THSD7B: variants seen among roughly 807,000 people sequenced by gnomAD.
THSD7B encodes the protein thrombospondin type-1 domain-containing protein 7B.
In THSD7B, 138 loss-of-function variants were observed where a neutral mutation model predicts 213.6. The ratio of observed to expected loss-of-function variants is 0.65; its 90% CI spans 0.56 to 0.74. The LOEUF (loss-of-function observed/expected upper bound fraction) is 0.74. Among genes scored for constraint, THSD7B ranks in the 30% least tolerant of loss-of-function variants. THSD7B has a pLI of 0.00. For synonymous variants in THSD7B, 742 were observed against 687.0 expected, an observed-to-expected ratio of 1.08 and a Z score of -1.25; for missense variants, 1,931 against 1,991.5, an observed-to-expected ratio of 0.97 and a Z score of 0.58.
rs368550298 is a variant in THSD7B at position 137,004,559 on chromosome 2, T to G, written c.140-51861T>G. ...CCACTGGAAAAACTGCTTATCTGAC[T>G]CAGGTAATTAGTCTTTCAAGAAAAT... On this transcript the variant is annotated intron_variant, in intron 2 of 27. Transcript: ENST00000409968. 5.9e-5 allele frequency among the ~76,000 whole-genome samples: 9 copies of G among 152,270 alleles called. No individual in the cohort carries two copies. The East Asian group carries it at 1.7e-3, about 29-fold the overall frequency.
At chr2:137,512,061 C>T (rs1679972888) in intron 15 of THSD7B, 1 of 152,084 alleles carries the variant, frequency 6.6e-6, no homozygotes, top group African/African-American at 2.4e-5. Context: ...TGTTACCTGC[C>T]TTTTATCTTC....
Position 137,677,164 on chromosome 2 carries a change from T to TTAAA in THSD7B, c.*562_*565dup, listed in dbSNP as rs1221573136. 6.5e-6 allele frequency: 1 copy of TTAAA among 152,686 alleles called. No individual in the cohort carries two copies. The allele number at this position is 152,686 out of a possible 1,614,324, so 9.5% of individuals were successfully genotyped here. ...CAGAAATTCTCTGAGTTTTTAACCT[T>TTAAA]TAAATATTGTATTTTGTTTTGTAGC... On this transcript the variant is annotated 3_prime_UTR_variant, in exon 28 of 28. Transcript: ENST00000409968.
At chr2:137,437,724 T>C (rs113822374) in intron 14 of THSD7B, among the ~76,000 whole-genome samples, 2,576 of 152,262 alleles carry the variant, frequency 0.017, 68 homozygotes, top group African/African-American at 0.059. Context: ...TTTAAGGTCT[T>C]ATGATTTCAT....
chr2:137,483,019 A>G (rs1374257681), intron 15 of THSD7B, among the ~76,000 whole-genome samples: 1 of 152,088 alleles, frequency 6.6e-6, no homozygotes, highest in Non-Finnish European at 1.5e-5. Flanking sequence ...AGAAGTCATG[A>G]CCAAAAGTCG....
intron 1 of THSD7B, among the ~76,000 whole-genome samples, chr2:136,841,572 G>A (rs954260746): frequency 1.5e-5 from 2 of 135,550 alleles, no homozygotes; most frequent in Non-Finnish European, 3.1e-5. Flanking sequence ...ACTCCAGCCT[G>A]GTGACAGAGC....
chr2:136,827,188 A>G (rs990654732), intron 1 of THSD7B, among the ~76,000 whole-genome samples: 3 of 152,162 alleles, frequency 2.0e-5, no homozygotes, highest in Non-Finnish European at 4.4e-5. Flanking sequence ...CTCTTGCAGG[A>G]TTTCTGACCC....
chr2:137,649,636 A>T (rs1273722227), intron 21 of THSD7B, among the ~76,000 whole-genome samples: 6 of 152,198 alleles, frequency 3.9e-5, no homozygotes, highest in Non-Finnish European at 8.8e-5. Flanking sequence ...TTTATCATGC[A>T]TATAAGTCTG....
chr2:137,037,033 A>G (rs868682037), intron 2 of THSD7B, among the ~76,000 whole-genome samples: 15 of 152,144 alleles, frequency 9.9e-5, no homozygotes, highest in Non-Finnish European at 1.9e-4. Context: ...TTTCTGACTC[A>G]GTGTTCCTAA....
At chr2:137,087,005 A>G (rs377690727) in intron 3 of THSD7B, among the ~76,000 whole-genome samples, 2 of 152,256 alleles carry the variant, frequency 1.3e-5, no homozygotes, top group South Asian at 4.2e-4. Flanking sequence ...AGGTCCCACT[A>G]ATTGGGAAAT....
At chr2:137,315,975 C>A (rs915984798) in intron 12 of THSD7B, among the ~76,000 whole-genome samples, 2 of 152,096 alleles carry the variant, frequency 1.3e-5, no homozygotes, top group Admixed American at 6.5e-5. Context: ...TAGATATCTT[C>A]TCTTCCCTGT....
At chr2:136,813,977 A>C (rs980010198) in intron 1 of THSD7B, among the ~76,000 whole-genome samples, 1 of 152,158 alleles carries the variant, frequency 6.6e-6, no homozygotes, top group Non-Finnish European at 1.5e-5. Context: ...CCTGGTGGCT[A>C]TGCAGGGACT....
intron 12 of THSD7B, among the ~76,000 whole-genome samples, chr2:137,277,820 A>G (rs554535333): frequency 6.6e-6 from 1 of 151,984 alleles, no homozygotes; most frequent in Admixed American, 6.6e-5. Flanking sequence ...AGTGTGCAAG[A>G]GTGTGTGTGT....
At position 137,273,025 on chromosome 2, in the gene THSD7B, T is replaced by TACACACACAC. The variant is rs71877881; in HGVS notation, c.2396+399_2396+408dup. On this transcript the variant is annotated intron_variant, in intron 11 of 27. Transcript: ENST00000409968. The stretch of plus-strand genomic sequence containing the variant: ...CACACCACACACACGGGAGAAGGAA[T>TACACACACAC]ACACACACACACACACACACACACA... 6.4e-4 allele frequency among the ~76,000 whole-genome samples: 90 copies of TACACACACAC among 141,064 alleles called. 1 individual carries two copies. The highest frequency in any genetic ancestry group is 2.3e-3 in the African/African-American group (87 of 38,196). The allele number at this position is 141,064 out of a possible 152,430, so 92.5% of individuals were successfully genotyped here.
At chr2:137,303,728 TTA>T (rs1331821244) in intron 12 of THSD7B, among the ~76,000 whole-genome samples, 7 of 136,758 alleles carry the variant, frequency 5.1e-5, no homozygotes, top group Admixed American at 1.5e-4. Flanking sequence ...ATATATATAT[TTA>T]TATATATATT....
intron 2 of THSD7B, among the ~76,000 whole-genome samples, chr2:136,954,714 C>CAAAAAAAAAAAA (rs11378111): frequency 1.1e-5 from 1 of 89,398 alleles, no homozygotes; most frequent in African/African-American, 5.6e-5. Context: ...GACTCTGTCT[C>CAAAAAAAAAAAA]AAAAAAAAAA....
In THSD7B at chr2:136,960,395, G is replaced by A. The variant is rs141304468; in HGVS notation, c.139+78078G>A. On this transcript the variant is annotated intron_variant, in intron 2 of 27. Transcript: ENST00000409968. Reference sequence around the variant, plus strand: ...CTTAAGCAATCTTCCCACCTTGGCCGCTTGAAGTGCTGGGATTACAGGTAT... The same window carrying A: ...CTTAAGCAATCTTCCCACCTTGGCCACTTGAAGTGCTGGGATTACAGGTAT... Among the ~76,000 whole-genome samples, 979 of 152,172 alleles carry A rather than the reference G, an allele frequency of 6.4e-3. 13 individuals carry two copies. Among genetic ancestry groups the A allele is most frequent in the African/African-American group, 0.022 (898 of 41,514 alleles).
At chr2:137,076,365 C>G (rs1687622776) in intron 3 of THSD7B, among the ~76,000 whole-genome samples, 1 of 152,226 alleles carries the variant, frequency 6.6e-6, no homozygotes, top group Admixed American at 6.5e-5. Context: ...AAGCGAGACT[C>G]TGTTGGTGTA....
intron 21 of THSD7B, among the ~76,000 whole-genome samples, chr2:137,646,084 A>G (rs1234424455): frequency 6.6e-6 from 1 of 152,212 alleles, no homozygotes; most frequent in East Asian, 1.9e-4. Context: ...AGCAATTATG[A>G]AATACTGATA....
intron 1 of THSD7B, among the ~76,000 whole-genome samples, chr2:136,847,922 T>A (rs1683036992): frequency 6.6e-6 from 1 of 152,198 alleles, no homozygotes; most frequent in Admixed American, 6.5e-5. Flanking sequence ...TCCCTTCTTA[T>A]GAGAAAACAT....
Sources: gnomAD v4.1 joint callset for allele counts (sites outside exome capture counted in the v4.1 genomes callset) on GRCh38, gnomAD v4.1.1 for gene constraint, MANE v1.5 for transcripts, NCBI Gene and HGNC (gene_info 2026-07-23, HGNC 2026-07-21) for gene names.